Variants in GPR176 observed in about 807,000 individuals in gnomAD.
GPR176 encodes G-protein coupled receptor 176.
Under a neutral mutation model 35.4 loss-of-function variants are expected in GPR176, and 26 were observed. The ratio of observed to expected loss-of-function variants is 0.74; its 90% confidence interval spans 0.54 to 1.02. GPR176 has a LOEUF of 1.02. GPR176 is among the 50% of genes least tolerant of loss of function. The probability of loss-of-function intolerance (pLI) is 0.00; values close to 1 mark genes in which losing one functional copy is unlikely to be tolerated. For missense variants in GPR176, 597 were observed against 665.3 expected (o/e 0.90, Z 1.13); for synonymous variants, 278 against 271.3 (o/e 1.02, Z -0.24).
At chr15:39,878,183 G>T (rs559261620) in intron 1 of GPR176, among the ~76,000 whole-genome samples, 55 of 143,450 alleles carry the variant, frequency 3.8e-4, no homozygotes, top group Non-Finnish European at 6.6e-4. Flanking sequence ...GTACAATACA[G>T]TATTACTAAC....
At chr15:39,822,825 T>A (rs1265689287) in intron 1 of GPR176, among the ~76,000 whole-genome samples, 1 of 152,204 alleles carries the variant, frequency 6.6e-6, no homozygotes, top group African/African-American at 2.4e-5. Context: ...CAACCGTGAT[T>A]TTTCCCTGAT....
intron 1 of GPR176, among the ~76,000 whole-genome samples, chr15:39,890,504 G>A (rs2032831659): frequency 6.6e-6 from 1 of 152,224 alleles, no homozygotes; most frequent in Non-Finnish European, 1.5e-5. Flanking sequence ...AAAGTATGGA[G>A]ATTCTGAGAG....
chr15:39,881,508 T>C (rs1262786481), intron 1 of GPR176, among the ~76,000 whole-genome samples: 1 of 152,222 alleles, frequency 6.6e-6, no homozygotes, highest in African/African-American at 2.4e-5. Context: ...CACCTTACAC[T>C]TGAATGCAAA....
intron 1 of GPR176, among the ~76,000 whole-genome samples, chr15:39,811,783 G>C (rs1293486463): frequency 6.6e-6 from 1 of 152,152 alleles, no homozygotes. Context: ...GGGCGTAGTA[G>C]TGGGTGCCTG....
intron 1 of GPR176, among the ~76,000 whole-genome samples, chr15:39,855,614 G>A (rs1468595756): frequency 6.6e-6 from 1 of 152,124 alleles, no homozygotes. Context: ...GCATTATAAA[G>A]GCCACTAGAA....
chr15:39,901,863 C>T (rs2033286761), intron 1 of GPR176, among the ~76,000 whole-genome samples: 1 of 151,206 alleles, frequency 6.6e-6, no homozygotes, highest in African/African-American at 2.4e-5. Context: ...AATTTGAGGT[C>T]AGGAGTTCGA....
At chr15:39,897,325 G>A (rs997642408) in intron 1 of GPR176, among the ~76,000 whole-genome samples, 1 of 152,160 alleles carries the variant, frequency 6.6e-6, no homozygotes, top group Non-Finnish European at 1.5e-5. Flanking sequence ...ATAAAAAACT[G>A]TTCCTGAAAG....
chr15:39,802,192 A>C lies in GPR176; in HGVS notation c.488T>G (p.Val163Gly), dbSNP rs1257819225. The C allele has an allele frequency of 6.2e-7, 1 of 1,614,044 alleles. No individual in the cohort carries two copies. The highest frequency in any genetic ancestry group is 1.1e-5 in the South Asian group (1 of 91,060). Residue 163 changes from valine (V) to glycine (G), a missense_variant, in exon 3 of 3, where the codon GTG becomes GGG. Coordinates refer to ENST00000561100, the MANE Select transcript of GPR176 (RefSeq NM_007223.3). The part of the protein sequence containing the change: ...KISDAKSREL[V>G]MYIWAHAVVA... ...CACTGCATGGGCCCAGATGTACATC[A>C]CCAGTTCACGGGACTTGGCATCAGA...
chr15:39,800,199 A>G lies in GPR176; in HGVS notation c.*933T>C, dbSNP rs755716967. The G allele has an allele frequency of 1.3e-5, 2 of 152,170 alleles. No homozygotes were observed. Among genetic ancestry groups the G allele is most frequent in the East Asian group, 1.9e-4 (1 of 5,196 alleles). The allele number at this position is 152,170 out of a possible 1,614,324, so 9.4% of individuals were successfully genotyped here. On this transcript the variant is annotated 3_prime_UTR_variant, in exon 3 of 3. Transcript: ENST00000561100. ...ATACCTTTTAATTCCTAAAGTTTGC[A>G]TAAGATGATTTTTTCAATATATTTG...
At chr15:39,880,561 CA>C (rs762965278) in intron 1 of GPR176, among the ~76,000 whole-genome samples, 33 of 152,284 alleles carry the variant, frequency 2.2e-4, no homozygotes, top group Non-Finnish European at 2.8e-4. Flanking sequence ...ACAGGTGCCT[CA>C]AAGTCAATTT....
intron 1 of GPR176, among the ~76,000 whole-genome samples, chr15:39,918,729 G>T (rs538533552): frequency 5.3e-4 from 81 of 151,960 alleles, no homozygotes; most frequent in Middle Eastern, 6.8e-3. Context: ...AAATATCCTC[G>T]TAACAAAAAA....
intron 2 of GPR176, among the ~76,000 whole-genome samples, chr15:39,803,806 G>A (rs980692336): frequency 3.9e-5 from 6 of 152,218 alleles, no homozygotes; most frequent in African/African-American, 1.4e-4. Context: ...GGGAGACACT[G>A]CAGTGGAGTC....
chr15:39,802,185 G>A lies in GPR176; in HGVS notation c.495C>T (p.Tyr165=), dbSNP rs1898926152. The change falls in exon 3 of 3, where the codon TAC becomes TAT. Residue 165 remains tyrosine (Y), a synonymous_variant. Coordinates refer to ENST00000561100, the MANE Select transcript of GPR176 (RefSeq NM_007223.3). Reference sequence around the variant, plus strand: ...TGGCCACCACTGCATGGGCCCAGATGTACATCACCAGTTCACGGGACTTGG... The same window carrying A: ...TGGCCACCACTGCATGGGCCCAGATATACATCACCAGTTCACGGGACTTGG... ...SDAKSRELVM[Y]IWAHAVVASV... 1.2e-6 allele frequency: 2 copies of A among 1,613,958 alleles called. No individual in the cohort carries two copies. Among genetic ancestry groups the A allele is most frequent in the South Asian group, 2.2e-5 (2 of 91,066 alleles).
intron 1 of GPR176, among the ~76,000 whole-genome samples, chr15:39,867,032 A>G (rs972308106): frequency 1.3e-5 from 2 of 152,180 alleles, no homozygotes; most frequent in South Asian, 4.1e-4. Flanking sequence ...AAGAGAATTC[A>G]TATGAGGTAT....
At chr15:39,821,291 G>T (rs985665137) in intron 1 of GPR176, among the ~76,000 whole-genome samples, 5 of 152,146 alleles carry the variant, frequency 3.3e-5, no homozygotes, top group Non-Finnish European at 5.9e-5. Context: ...GCAAGGGAAA[G>T]AATTTTCTAT....
Sources: allele counts gnomAD v4.1 joint callset (sites outside exome capture counted in the v4.1 genomes callset), GRCh38; gene constraint gnomAD v4.1.1; transcripts MANE v1.5; gene names NCBI Gene and HGNC (gene_info 2026-07-23, HGNC 2026-07-21).